Variants in TRMT10C observed in about 807,000 individuals in gnomAD.
TRMT10C encodes tRNA methyltransferase 10 homolog C.
In TRMT10C, 14 loss-of-function variants were observed where a neutral mutation model predicts 27.4. The observed-to-expected ratio is 0.51, with a 90% confidence interval of 0.34 to 0.80. TRMT10C has a LOEUF of 0.80. Among genes scored for constraint, TRMT10C ranks in the 30% least tolerant of loss-of-function variants. The pLI, the probability that TRMT10C is intolerant of heterozygous loss-of-function variation, is 0.02. For missense variants in TRMT10C, 438 were observed against 464.8 expected (o/e 0.94, Z 0.53); for synonymous variants, 143 against 155.9 (o/e 0.92, Z 0.62).
Position 101,565,581 on chromosome 3 carries a change from A to G in TRMT10C, c.800A>G (p.Asp267Gly). ...GTTAAACGGTATCAAGAAAAATGGG[A>G]CAAATTGCTTTTAACATCAACAGAA... ...ELVKRYQEKW[D>G]KLLLTSTEKS... Residue 267 changes from aspartate (D) to glycine (G), a missense_variant, in exon 2 of 2, where the codon GAC (aspartate) becomes GGC (glycine). Around this residue, in one of 3 missense-constraint regions of TRMT10C, gnomAD observed 350 missense variants for 370.5 expected, o/e 0.94. Coordinates refer to ENST00000309922, the MANE Select transcript of TRMT10C (RefSeq NM_017819.4). 2 of 1,614,146 alleles carry G rather than the reference A, an allele frequency of 1.2e-6. No homozygotes were observed. Among genetic ancestry groups the G allele is most frequent in the Non-Finnish European group, 1.7e-6 (2 of 1,179,996 alleles).
chr3:101,565,047 A>G lies in TRMT10C; in HGVS notation c.266A>G (p.Asp89Gly), dbSNP rs768379346. Residue 89 changes from aspartate (D) to glycine (G), a missense_variant, in exon 2 of 2, where the codon GAT becomes GGT. Physicochemically the swap from Asp to Gly is moderately conservative, Grantham distance 94. Coordinates refer to ENST00000309922, the MANE Select transcript of TRMT10C (RefSeq NM_017819.4). ...VSTISSSKDE[D>G]PLAATREFIE... The stretch of plus-strand genomic sequence containing the variant: ...ACAATCTCAAGCAGTAAGGATGAAG[A>G]TCCTCTAGCTGCCACCAGAGAGTTC... The G allele has an allele frequency of 8.1e-6, 13 of 1,613,970 alleles. No individual in the cohort carries two copies. In the Admixed American group the frequency reaches 1.0e-4, roughly 12 times the overall value.
chr3:101,562,963 G>C (rs1228307794), intron 1 of TRMT10C, among the ~76,000 whole-genome samples: 3 of 152,120 alleles, frequency 2.0e-5, no homozygotes, highest in Non-Finnish European at 2.9e-5. Flanking sequence ...AGCTAGAGAT[G>C]CTGCTGACCT....
intron 1 of TRMT10C, chr3:101,562,246 C>T (rs1403892360): frequency 6.6e-6 from 1 of 152,148 alleles, no homozygotes; most frequent in African/African-American, 2.4e-5. Flanking sequence ...AAGTCCTTGC[C>T]AGTTACAAGA....
Position 101,564,841 on chromosome 3 carries a change from T to G in TRMT10C, c.60T>G (p.Phe20Leu). 1 of 1,612,900 alleles carries G rather than the reference T, an allele frequency of 6.2e-7. No individual in the cohort carries two copies. Among genetic ancestry groups the G allele is most frequent in the Non-Finnish European group, 8.5e-7 (1 of 1,179,174 alleles). ...SVNFFRPFTR[F>L]LVPFTLHRKR... ...ATTTCTTCAGACCTTTCACCAGGTT[T>G]TTGGTGCCATTTACCCTTCATAGGA... is the stretch of plus-strand genomic sequence containing the variant. Residue 20 changes from phenylalanine to leucine, a missense_variant, in exon 2 of 2, where the codon TTT becomes TTG. Physicochemically the swap from Phe to Leu is conservative, Grantham distance 22. Coordinates refer to ENST00000309922, the MANE Select transcript of TRMT10C (RefSeq NM_017819.4).
In TRMT10C at chr3:101,564,862, T is replaced by A; in HGVS notation, c.81T>A (p.His27Gln). The A allele has an allele frequency of 6.2e-7, 1 of 1,614,062 alleles. No individual in the cohort carries two copies. The highest frequency in any genetic ancestry group is 8.5e-7 in the Non-Finnish European group (1 of 1,179,956). Residue 27 changes from histidine (H) to glutamine (Q), a missense_variant, in exon 2 of 2, where the codon CAT becomes CAA. Transcript: ENST00000309922. ...GGTTTTTGGTGCCATTTACCCTTCA[T>A]AGGAAGAGAAATAACTTAACAATTT... is the stretch of plus-strand genomic sequence containing the variant. Reference protein sequence around the residue: ...FTRFLVPFTLHRKRNNLTILQ... With the variant: ...FTRFLVPFTLQRKRNNLTILQ...
At chr3:101,562,275 C>T (rs1934429272) in intron 1 of TRMT10C, among the ~76,000 whole-genome samples, 1 of 152,168 alleles carries the variant, frequency 6.6e-6, no homozygotes, top group Admixed American at 6.5e-5. Context: ...TTTAAAACTC[C>T]TTCTGAAATC....
rs770701650 is a variant in TRMT10C, at chr3:101,565,999, T to C, written c.*6T>C. The C allele has an allele frequency of 6.3e-7, 1 of 1,579,470 alleles. No homozygotes were observed. ...TAAAGAAGGCAAAGACTTAATTCAT[T>C]TTCAAAAGGTTCTCTGAATGTGCAC... On this transcript the variant is annotated 3_prime_UTR_variant, in exon 2 of 2. Transcript: ENST00000309922.
rs374891943 is a variant in TRMT10C, at chr3:101,563,113, T to G, written c.-13+1110T>G. Among the ~76,000 whole-genome samples the G allele has an allele frequency of 7.2e-5, 11 of 152,266 alleles. No homozygotes were observed. In the South Asian group the frequency reaches 2.1e-3, roughly 29 times the overall value. ...TCGATTTGTTGCGTTTGAGGTGTTT[T>G]TTGTTTGTTTTTGTTGTTTTGAGAC... On this transcript the variant is annotated intron_variant, in intron 1 of 1. Coordinates refer to ENST00000309922, the MANE Select transcript of TRMT10C (RefSeq NM_017819.4).
At chr3:101,562,684 CTT>C (rs1218064316) in intron 1 of TRMT10C, among the ~76,000 whole-genome samples, 25 of 143,718 alleles carry the variant, frequency 1.7e-4, no homozygotes, top group Admixed American at 2.1e-4. Context: ...CTTTTTTTTT[CTT>C]TTTTTTTTTT....
In TRMT10C at chr3:101,566,311, A is replaced by C. The variant is rs1442446964; in HGVS notation, c.*318A>C. ...GTACCATTGGTAGACTTTTTTATGG[A>C]GGTTCCTAGAGGGTGGTGCCCTGGG... On this transcript the variant is annotated 3_prime_UTR_variant, in exon 2 of 2. Transcript: ENST00000309922. 1 of 212,886 alleles carries C rather than the reference A, an allele frequency of 4.7e-6. No individual in the cohort carries two copies. The highest frequency in any genetic ancestry group is 1.0e-5 in the Non-Finnish European group (1 of 99,764). The allele number at this position is 212,886 out of a possible 1,614,324, so 13.2% of individuals were successfully genotyped here. A position where few individuals can be genotyped will look rare whatever the true frequency, so the allele number is the denominator to read the frequency against.
rs202038480 is a variant in TRMT10C at position 101,562,612 on chromosome 3, A to G, written c.-13+609A>G. Among the ~76,000 whole-genome samples the G allele has an allele frequency of 2.6e-5, 4 of 151,866 alleles. No individual in the cohort carries two copies. The East Asian group carries it at 7.7e-4, about 29-fold the overall frequency. On this transcript the variant is annotated intron_variant, in intron 1 of 1. Coordinates refer to ENST00000309922, the MANE Select transcript of TRMT10C (RefSeq NM_017819.4). ...GCTTGCGCCGAGATCGCGCCACTAT[A>G]CTCCAGCCTGGAGTGACAGAGCGAG...
intron 1 of TRMT10C, among the ~76,000 whole-genome samples, chr3:101,562,721 G>A (rs1934441026): frequency 6.6e-6 from 1 of 151,718 alleles, no homozygotes. Flanking sequence ...ATCGATCTAG[G>A]GTATTAGAAA....
At chr3:101,562,480 C>T (rs1372002518) in intron 1 of TRMT10C, among the ~76,000 whole-genome samples, 1 of 151,974 alleles carries the variant, frequency 6.6e-6, no homozygotes, top group Admixed American at 6.6e-5. Flanking sequence ...CAGTGAAACC[C>T]CGTCTGTACT....
chr3:101,563,017 GGATAGCAATATCCC>G (rs1431781119), intron 1 of TRMT10C, among the ~76,000 whole-genome samples: 8 of 152,154 alleles, frequency 5.3e-5, no homozygotes, highest in African/African-American at 1.9e-4. Flanking sequence ...CAATACCAAT[GGATAGCAATATCCC>G]TTGAAACAGA....
At chr3:101,564,362 A>G (rs1178404874) in intron 1 of TRMT10C, among the ~76,000 whole-genome samples, 2 of 151,412 alleles carry the variant, frequency 1.3e-5, no homozygotes, top group African/African-American at 4.9e-5. Flanking sequence ...GGTTCAAGCA[A>G]TTCTCCTGCC....
intron 1 of TRMT10C, among the ~76,000 whole-genome samples, chr3:101,562,654 A>G (rs945240807): frequency 5.3e-5 from 8 of 152,096 alleles, no homozygotes; most frequent in African/African-American, 1.9e-4. Flanking sequence ...TCTCAAAAAA[A>G]ATAATAAAGG....
Position 101,565,656 on chromosome 3 carries a change from C to G in TRMT10C, c.875C>G (p.Ala292Gly). ...FPKDSIIYLT[A>G]DSPNVMTTFR... ...AAGGACAGTATTATCTATTTAACTG[C>G]AGATTCTCCCAATGTTATGACTACT... is the stretch of plus-strand genomic sequence containing the variant. Residue 292 changes from alanine to glycine, a missense_variant, in exon 2 of 2, where the codon GCA becomes GGA. By Grantham distance (60) the Ala-to-Gly change is moderately conservative. Coordinates refer to ENST00000309922, the MANE Select transcript of TRMT10C (RefSeq NM_017819.4). The G allele has an allele frequency of 6.2e-7, 1 of 1,614,142 alleles. No homozygotes were observed. Among genetic ancestry groups the G allele is most frequent in the South Asian group, 1.1e-5 (1 of 91,086 alleles).
intron 1 of TRMT10C, among the ~76,000 whole-genome samples, chr3:101,563,029 C>G (rs1360101285): frequency 6.6e-6 from 1 of 152,092 alleles, no homozygotes; most frequent in Non-Finnish European, 1.5e-5. Context: ...ATAGCAATAT[C>G]CCTTGAAACA....
chr3:101,563,346 C>T (rs1559948819), intron 1 of TRMT10C, among the ~76,000 whole-genome samples: 1 of 152,080 alleles, frequency 6.6e-6, no homozygotes. Flanking sequence ...TTAGTAGAGA[C>T]AGGGTTTCGC....
Sources: gnomAD v4.1 joint callset for allele counts (sites outside exome capture counted in the v4.1 genomes callset) on GRCh38, gnomAD v4.1.1 for gene constraint, gnomAD v4.1.1 regional missense constraint, MANE v1.5 for transcripts, NCBI Gene and HGNC (gene_info 2026-07-23, HGNC 2026-07-21) for gene names.